PDE8A: variants seen among roughly 807,000 people sequenced by gnomAD.
The protein encoded by PDE8A is phosphodiesterase 8A.
PDE8A carries 59 observed loss-of-function variants against 105.0 expected under a neutral mutation model. The observed-to-expected ratio is 0.56, with a 90% confidence interval of 0.46 to 0.70. PDE8A has a LOEUF of 0.70. PDE8A is among the 30% of genes least tolerant of loss of function. The pLI, the probability that PDE8A is intolerant of heterozygous loss-of-function variation, is 0.00. For synonymous variants in PDE8A, 355 were observed against 371.9 expected, an observed-to-expected ratio of 0.95 and a Z score of 0.52; for missense variants, 1,014 against 1,045.9, an observed-to-expected ratio of 0.97 and a Z score of 0.42.
At chr15:85,000,467 A>G (rs2080049489) in intron 1 of PDE8A, among the ~76,000 whole-genome samples, 1 of 152,192 alleles carries the variant, frequency 6.6e-6, no homozygotes, top group Non-Finnish European at 1.5e-5. Context: ...GGGTAATCAC[A>G]TGGTTTTGGT....
chr15:85,078,499 G>T (rs915860286), intron 5 of PDE8A, among the ~76,000 whole-genome samples: 1 of 134,534 alleles, frequency 7.4e-6, no homozygotes, highest in African/African-American at 2.7e-5. Flanking sequence ...GCAGTGAGCC[G>T]AGATTGTGCC....
intron 4 of PDE8A, 99 bp downstream of exon 4, chr15:85,076,017 C>A: frequency 3.0e-6 from 2 of 665,980 alleles, no homozygotes; most frequent in Non-Finnish European, 5.3e-6. Context: ...GTCAGGCATG[C>A]CCCTTTGTAG....
Position 85,113,885 on chromosome 15 carries a change from A to G in PDE8A, c.1198A>G (p.Ile400Val), listed in dbSNP as rs749136689. The part of the protein sequence containing the change: ...EAPITKVINI[I>V]NAAQESSPMP... ...TTCCATAATGTAGGTAATCAATATT[A>G]TCAATGCTGCCCAGGAAAGTAGTCC... Residue 400 changes from isoleucine (I) to valine (V), a missense_variant, in exon 14 of 22, where the codon ATC (isoleucine) becomes GTC (valine). By Grantham distance (29) the Ile-to-Val change is conservative (BLOSUM62 3). Transcript: ENST00000394553. 5 of 1,611,278 alleles carry G rather than the reference A, an allele frequency of 3.1e-6. No individual in the cohort carries two copies. Among genetic ancestry groups the G allele is most frequent in the Admixed American group, 1.7e-5 (1 of 59,594 alleles).
chr15:85,018,493 T>G (rs1378591933), intron 1 of PDE8A, among the ~76,000 whole-genome samples: 1 of 152,238 alleles, frequency 6.6e-6, no homozygotes, highest in Non-Finnish European at 1.5e-5. Context: ...GGGCAAACCA[T>G]GATCTATTTA....
In PDE8A at chr15:85,116,033, T is replaced by C. The variant is rs2082091347; in HGVS notation, c.1449T>C (p.Asp483=). Residue 483 remains aspartate (D), a synonymous_variant, in exon 16 of 22, where the codon GAT becomes GAC. Coordinates refer to ENST00000394553, the MANE Select transcript of PDE8A (RefSeq NM_002605.3). ...SNIITPISLD[D]VPPRIARAME... Reference sequence around the variant, plus strand: ...TAATCACTCCCATCTCCCTTGATGATGTCCCACCACGGATAGCTCGGGCCA... The same window carrying C: ...TAATCACTCCCATCTCCCTTGATGACGTCCCACCACGGATAGCTCGGGCCA... 6.2e-7 allele frequency: 1 copy of C among 1,613,512 alleles called. No individual in the cohort carries two copies. Among genetic ancestry groups the C allele is most frequent in the South Asian group, 1.1e-5 (1 of 91,070 alleles).
intron 9 of PDE8A, among the ~76,000 whole-genome samples, chr15:85,098,884 G>T (rs1157016201): frequency 1.3e-5 from 2 of 151,940 alleles, no homozygotes; most frequent in Non-Finnish European, 2.9e-5. Context: ...TTGATCTTGG[G>T]AGGTCGAGGC....
At chr15:85,080,425 C>G (rs1448440092) in intron 5 of PDE8A, among the ~76,000 whole-genome samples, 3 of 152,178 alleles carry the variant, frequency 2.0e-5, no homozygotes, top group African/African-American at 7.2e-5. Flanking sequence ...ACTAAGGCCG[C>G]AAAACTGGCT....
chr15:85,079,991 G>C lies in PDE8A; in HGVS notation c.546+3204G>C, dbSNP rs190643065. On this transcript the variant is annotated intron_variant, in intron 5 of 21. Coordinates refer to ENST00000394553, the MANE Select transcript of PDE8A (RefSeq NM_002605.3). ...CCTTTAAAAGATAGGCTGTTAGATT[G>C]GGTTGAAAAAGTACAATTCTATAAC... Among the ~76,000 whole-genome samples the C allele has an allele frequency of 5.3e-4, 81 of 152,170 alleles. 2 individuals are homozygous for C. Among genetic ancestry groups the C allele is most frequent in the African/African-American group, 1.9e-3 (78 of 41,512 alleles).
At chr15:85,084,857 C>CT (rs894021576) in intron 6 of PDE8A, among the ~76,000 whole-genome samples, 1 of 152,192 alleles carries the variant, frequency 6.6e-6, no homozygotes, top group Non-Finnish European at 1.5e-5. Flanking sequence ...ACTAAAACCC[C>CT]TGTCTCTTCT....
intron 1 of PDE8A, among the ~76,000 whole-genome samples, chr15:85,042,671 C>G (rs915848642): frequency 1.3e-5 from 2 of 152,162 alleles, no homozygotes; most frequent in Non-Finnish European, 2.9e-5. Flanking sequence ...CTTCTTTGTT[C>G]TAGAACCAAA....
chr15:85,073,134 G>A (rs1260747248), intron 3 of PDE8A, among the ~76,000 whole-genome samples: 2 of 152,076 alleles, frequency 1.3e-5, no homozygotes, highest in African/African-American at 4.8e-5. Flanking sequence ...TGGGGTGGGT[G>A]GGGACTTCCC....
chr15:85,091,155 A>G lies in PDE8A; in HGVS notation c.826A>G (p.Ile276Val), dbSNP rs368035170. ...NEKKADLLDTINSCIRIGKEW... is the reference protein window; with the variant it reads ...NEKKADLLDTVNSCIRIGKEW... ...AAAAAAGGCTGACTTGCTCGATACT[A>G]TAAATTCATGCATCAGGATAGGCAA... The change falls in exon 8 of 22, where the codon ATA (isoleucine) becomes GTA (valine). Residue 276 changes from isoleucine to valine, a missense_variant. Ile to Val is a conservative substitution (Grantham distance 29). Transcript: ENST00000394553. 2.5e-6 allele frequency: 4 copies of G among 1,612,352 alleles called. No individual in the cohort carries two copies. In the African/African-American group the frequency reaches 4.0e-5, roughly 16 times the overall value.
intron 1 of PDE8A, among the ~76,000 whole-genome samples, chr15:85,029,197 G>A (rs867757471): frequency 1.3e-5 from 2 of 152,052 alleles, no homozygotes; most frequent in South Asian, 2.1e-4. Context: ...AATAATAGCC[G>A]ATGTTTTGTC....
At chr15:85,121,459 G>C (rs1026041528) in intron 18 of PDE8A, among the ~76,000 whole-genome samples, 5 of 152,204 alleles carry the variant, frequency 3.3e-5, no homozygotes, top group Admixed American at 3.3e-4. Flanking sequence ...TTCAATCCCA[G>C]ATTTCTTCAT....
chr15:85,089,382 C>A lies in PDE8A; in HGVS notation c.680C>A (p.Ala227Glu), dbSNP rs1266215939. Residue 227 changes from alanine (A) to glutamate (E), a missense_variant, in exon 7 of 22, where the codon GCA becomes GAA. Physicochemically the swap from Ala to Glu is moderately radical, Grantham distance 107. Coordinates refer to ENST00000394553, the MANE Select transcript of PDE8A (RefSeq NM_002605.3). ...VFTALENSED[A>E]IEITSEDRFI... ...ACTGCATTAGAAAACAGTGAAGATGCAATTGAAATTACAAGCGAAGACCGT... is the reference window on the plus strand; with the variant it reads ...ACTGCATTAGAAAACAGTGAAGATGAAATTGAAATTACAAGCGAAGACCGT... 6.3e-7 allele frequency: 1 copy of A among 1,594,654 alleles called. No homozygotes were observed.
intron 1 of PDE8A, among the ~76,000 whole-genome samples, chr15:85,019,591 T>A (rs900644699): frequency 6.6e-6 from 1 of 152,028 alleles, no homozygotes; most frequent in African/African-American, 2.4e-5. Flanking sequence ...TTTTTTTGTT[T>A]TGTTTTGGAG....
intron 1 of PDE8A, among the ~76,000 whole-genome samples, chr15:84,995,781 A>G (rs922578100): frequency 6.6e-6 from 1 of 152,224 alleles, no homozygotes; most frequent in African/African-American, 2.4e-5. Context: ...AAATTTTGTA[A>G]TTAAAAAATC....
At chr15:85,016,753 ACAT>A (rs2080331069) in intron 1 of PDE8A, among the ~76,000 whole-genome samples, 1 of 152,176 alleles carries the variant, frequency 6.6e-6, no homozygotes, top group African/African-American at 2.4e-5. Flanking sequence ...GGGAGAACTG[ACAT>A]CATTGTGATG....
intron 12 of PDE8A, among the ~76,000 whole-genome samples, chr15:85,113,088 A>G (rs1399821359): frequency 6.6e-6 from 1 of 152,210 alleles, no homozygotes; most frequent in Non-Finnish European, 1.5e-5. Flanking sequence ...ATAGACACAA[A>G]AAGAGGCTGT....
Sources: allele counts gnomAD v4.1 joint callset (sites outside exome capture counted in the v4.1 genomes callset), GRCh38; gene constraint gnomAD v4.1.1; transcripts MANE v1.5; gene names NCBI Gene and HGNC (gene_info 2026-07-23, HGNC 2026-07-21).